TFEC: variants seen among roughly 807,000 people sequenced by gnomAD.
TFEC encodes the protein transcription factor EC.
TFEC carries 31 observed loss-of-function variants against 41.6 expected under a neutral mutation model. The observed-to-expected ratio is 0.74, with a 90% CI of 0.56 to 1.01. The LOEUF is 1.01. TFEC is among the 50% of genes least tolerant of loss of function. The probability of loss-of-function intolerance (pLI) is 0.00; values close to 1 mark genes in which losing one functional copy is unlikely to be tolerated. For synonymous variants in TFEC, 143 were observed against 140.6 expected (o/e 1.02, Z -0.12); for missense variants, 402 against 404.1 (o/e 0.99, Z 0.04).
At chr7:115,941,309 T>C (rs1793485018) in intron 7 of TFEC, 1 of 172,128 alleles carries the variant, frequency 5.8e-6, no homozygotes, top group Admixed American at 6.0e-5. Context: ...ATGTTTTACC[T>C]GGTGCTAAGC....
At chr7:115,996,191 G>A (rs1794359985) in intron 1 of TFEC, among the ~76,000 whole-genome samples, 1 of 152,138 alleles carries the variant, frequency 6.6e-6, no homozygotes, top group Admixed American at 6.5e-5. Context: ...TTATGCTTGA[G>A]GAGGGGAAGG....
At chr7:116,147,616 C>G (rs1173346230) in intron 1 of TFEC, among the ~76,000 whole-genome samples, 1 of 143,844 alleles carries the variant, frequency 7.0e-6, no homozygotes, top group African/African-American at 2.6e-5. Context: ...CAAGTGTTCT[C>G]ATTGTTCAAT....
chr7:116,004,947 TAGTG>T (rs1198326438), intron 1 of TFEC, among the ~76,000 whole-genome samples: 1 of 152,106 alleles, frequency 6.6e-6, no homozygotes, highest in Admixed American at 6.6e-5. Flanking sequence ...GTTCTCATGA[TAGTG>T]AGTAAGTCTC....
intron 5 of TFEC, among the ~76,000 whole-genome samples, chr7:115,954,040 C>T (rs534626131): frequency 6.6e-6 from 1 of 152,176 alleles, no homozygotes; most frequent in South Asian, 2.1e-4. Context: ...TGCCAATCTA[C>T]TTTTCTTGCC....
At chr7:115,999,447 G>T (rs149938367) in intron 1 of TFEC, among the ~76,000 whole-genome samples, 1 of 151,896 alleles carries the variant, frequency 6.6e-6, no homozygotes, top group East Asian at 1.9e-4. Flanking sequence ...AAAAGCAAGA[G>T]AAAGTAAACC....
intron 2 of TFEC, among the ~76,000 whole-genome samples, chr7:115,981,150 TCA>T (rs1239749584): frequency 1.3e-5 from 2 of 151,956 alleles, no homozygotes; most frequent in Non-Finnish European, 2.9e-5. Context: ...CTTTCTAACC[TCA>T]GTCACTTATT....
chr7:115,950,312 A>T (rs1157127358), intron 6 of TFEC, among the ~76,000 whole-genome samples: 1 of 152,064 alleles, frequency 6.6e-6, no homozygotes, highest in Non-Finnish European at 1.5e-5. Flanking sequence ...TTAAAGAAAC[A>T]TTCAACATTT....
intron 1 of TFEC, among the ~76,000 whole-genome samples, chr7:116,020,590 G>T (rs1055016742): frequency 6.6e-6 from 1 of 152,210 alleles, no homozygotes; most frequent in East Asian, 1.9e-4. Flanking sequence ...GCATAAACCT[G>T]CAAAGCAAAG....
At chr7:115,942,996 A>G (rs963394057) in intron 6 of TFEC, among the ~76,000 whole-genome samples, 5 of 152,030 alleles carry the variant, frequency 3.3e-5, no homozygotes, top group Non-Finnish European at 7.4e-5. Flanking sequence ...GTAGGGAAAT[A>G]TAACATTTTT....
chr7:115,995,034 C>T (rs1026131771), intron 1 of TFEC, among the ~76,000 whole-genome samples: 15 of 152,074 alleles, frequency 9.9e-5, no homozygotes, highest in Admixed American at 4.6e-4. Flanking sequence ...AGGATGAGTT[C>T]ATGTCCTTTG....
At chr7:116,118,657 A>G (rs1798044366) in intron 1 of TFEC, among the ~76,000 whole-genome samples, 1 of 151,856 alleles carries the variant, frequency 6.6e-6, no homozygotes, top group African/African-American at 2.4e-5. Flanking sequence ...AGTGGTGTCT[A>G]ACACTTTTCC....
chr7:116,012,885 A>G (rs1226220146), intron 1 of TFEC, among the ~76,000 whole-genome samples: 1 of 151,696 alleles, frequency 6.6e-6, no homozygotes, highest in Non-Finnish European at 1.5e-5. Flanking sequence ...TTAGGCTGGA[A>G]AACTTTTTAT....
chr7:116,143,784 C>A (rs571015502), intron 1 of TFEC, among the ~76,000 whole-genome samples: 1 of 152,074 alleles, frequency 6.6e-6, no homozygotes, highest in Admixed American at 6.6e-5. Context: ...TCACAATGCC[C>A]TTAATTATAA....
At chr7:116,095,335 G>A (rs928975225) in intron 3 of TFEC, among the ~76,000 whole-genome samples, 5 of 152,260 alleles carry the variant, frequency 3.3e-5, no homozygotes, top group Non-Finnish European at 7.4e-5. Flanking sequence ...AAACAAAAGT[G>A]TGTGTGTTTA....
chr7:115,944,547 A>T (rs1020772936), intron 6 of TFEC, among the ~76,000 whole-genome samples: 2 of 151,676 alleles, frequency 1.3e-5, no homozygotes, highest in African/African-American at 4.8e-5. Context: ...CTTTCTGAAT[A>T]TTTTGATACA....
At chr7:115,952,922 T>C (rs1792022434) in intron 5 of TFEC, among the ~76,000 whole-genome samples, 1 of 152,024 alleles carries the variant, frequency 6.6e-6, no homozygotes, top group African/African-American at 2.4e-5. Flanking sequence ...AACTATACTC[T>C]GGGTTATCGG....
At position 116,076,381 on chromosome 7, in the gene TFEC, A is replaced by G. The variant is rs1426853772; in HGVS notation, c.198+34327T>C. On this transcript the variant is annotated intron_variant, in intron 3 of 8. Transcript: ENST00000484212. ...AGACATGTTTCTTTAACACCCCCAA[A>G]AGATCACACCAGCTCACCAGCAATG... Among the ~76,000 whole-genome samples the G allele has an allele frequency of 2.6e-5, 4 of 152,058 alleles. No individual in the cohort carries two copies. In the South Asian group the frequency reaches 8.3e-4, roughly 31 times the overall value.
chr7:116,079,455 T>C (rs1178502877), intron 3 of TFEC, among the ~76,000 whole-genome samples: 4 of 152,114 alleles, frequency 2.6e-5, no homozygotes, highest in African/African-American at 4.8e-5. Context: ...AAAAAGCTCC[T>C]AGAACTAATA....
chr7:115,939,473 AAAT>A lies in TFEC; in HGVS notation c.*1075_*1077del, dbSNP rs1443261807. ...AACCTTACGTTCCTCTCAGAACTGA[AAAT>A]AATAAGAAATAGTTTGTTGTAATAA... On this transcript the variant is annotated 3_prime_UTR_variant, in exon 8 of 8. Coordinates refer to ENST00000265440, the MANE Select transcript of TFEC (RefSeq NM_012252.4). 2.0e-5 allele frequency: 3 copies of A among 152,068 alleles called. No individual in the cohort carries two copies. The highest frequency in any genetic ancestry group is 6.6e-5 in the Admixed American group (1 of 15,248). The allele number at this position is 152,068 out of a possible 1,614,324, so 9.4% of individuals were successfully genotyped here. A position where few individuals can be genotyped will look rare whatever the true frequency, so the allele number is the denominator to read the frequency against.
Sources: gnomAD v4.1 joint callset for allele counts (sites outside exome capture counted in the v4.1 genomes callset) on GRCh38, gnomAD v4.1.1 for gene constraint, MANE v1.5 for transcripts, NCBI Gene and HGNC (gene_info 2026-07-23, HGNC 2026-07-21) for gene names.